Variants in CNTNAP5 observed in about 807,000 individuals in gnomAD.
The protein encoded by CNTNAP5 is contactin-associated protein-like 5.
CNTNAP5 carries 72 observed loss-of-function variants against 150.2 expected under a neutral mutation model. The ratio of observed to expected loss-of-function variants is 0.48; its 90% confidence interval spans 0.40 to 0.58. CNTNAP5 has a LOEUF of 0.58. Ranked by LOEUF, CNTNAP5 falls within the 20% of genes least tolerant of loss-of-function variation. The pLI is 0.00. For synonymous variants in CNTNAP5, 672 were observed against 619.8 expected (o/e 1.08, Z -1.25); for missense variants, 1,636 against 1,626.2 (o/e 1.01, Z -0.10).
At chr2:124,884,866 G>C (rs1188228447) in intron 21 of CNTNAP5, among the ~76,000 whole-genome samples, 2 of 151,938 alleles carry the variant, frequency 1.3e-5, no homozygotes, top group South Asian at 2.1e-4. Flanking sequence ...TTATTTGGGG[G>C]ATATAAAGGG....
chr2:124,745,052 G>C (rs1680576477), intron 13 of CNTNAP5, among the ~76,000 whole-genome samples: 1 of 152,156 alleles, frequency 6.6e-6, no homozygotes, highest in South Asian at 2.1e-4. Flanking sequence ...GAGGCACTAA[G>C]AGGCCAAAGC....
chr2:124,659,510 C>A (rs1345554020), intron 13 of CNTNAP5, among the ~76,000 whole-genome samples: 1 of 152,246 alleles, frequency 6.6e-6, no homozygotes, highest in African/African-American at 2.4e-5. Context: ...GAAAGGTAAT[C>A]TGAATCTGCA....
intron 3 of CNTNAP5, among the ~76,000 whole-genome samples, chr2:124,298,731 T>C (rs1172775572): frequency 6.6e-6 from 1 of 152,118 alleles, no homozygotes; most frequent in East Asian, 1.9e-4. Context: ...CCTAAGTGGG[T>C]CCTGTTAAGA....
intron 1 of CNTNAP5, among the ~76,000 whole-genome samples, chr2:124,217,790 C>A (rs947076345): frequency 6.6e-6 from 1 of 152,104 alleles, no homozygotes; most frequent in East Asian, 1.9e-4. Flanking sequence ...ATTCTCATTA[C>A]GGGCTTTATA....
At chr2:124,498,198 C>T (rs1432967343) in intron 7 of CNTNAP5, among the ~76,000 whole-genome samples, 2 of 152,142 alleles carry the variant, frequency 1.3e-5, no homozygotes, top group Non-Finnish European at 2.9e-5. Flanking sequence ...TGCTTAGAAA[C>T]TTCATTCTCT....
chr2:124,098,783 A>C (rs1682998138), intron 1 of CNTNAP5, among the ~76,000 whole-genome samples: 1 of 152,142 alleles, frequency 6.6e-6, no homozygotes, highest in Non-Finnish European at 1.5e-5. Context: ...AATGGCGTAG[A>C]GCTTCAGTCT....
chr2:124,524,462 C>T lies in CNTNAP5; in HGVS notation c.1477+10C>T. The T allele has an allele frequency of 1.2e-6, 2 of 1,603,268 alleles. No individual in the cohort carries two copies. Among genetic ancestry groups the T allele is most frequent in the Middle Eastern group, 1.7e-4 (1 of 5,940 alleles). On this transcript the variant is annotated intron_variant, in intron 9 of 23. Coordinates refer to ENST00000682447, the MANE Select transcript of CNTNAP5 (RefSeq NM_001367498.1). ...AGCTACTATTTTGGAGGTAAATTCT[C>T]CAGTCTTTAAGAGGGAAAATTAAGA...
intron 2 of CNTNAP5, among the ~76,000 whole-genome samples, chr2:124,236,208 C>T (rs1686743126): frequency 1.3e-5 from 2 of 152,106 alleles, no homozygotes; most frequent in Non-Finnish European, 2.9e-5. Flanking sequence ...TCAGATGATC[C>T]GCCCGCCTTG....
At chr2:124,187,587 G>A (rs1685363576) in intron 1 of CNTNAP5, among the ~76,000 whole-genome samples, 1 of 152,152 alleles carries the variant, frequency 6.6e-6, no homozygotes, top group Non-Finnish European at 1.5e-5. Flanking sequence ...GACTTACATG[G>A]TGAGCTGTCA....
chr2:124,229,001 G>C (rs1686542769), intron 2 of CNTNAP5, among the ~76,000 whole-genome samples: 1 of 152,050 alleles, frequency 6.6e-6, no homozygotes, highest in African/African-American at 2.4e-5. Context: ...TGAGTCCCTT[G>C]ATGATTATAT....
chr2:124,053,445 T>C lies in CNTNAP5; in HGVS notation c.82+27713T>C, dbSNP rs377755080. Among the ~76,000 whole-genome samples the C allele has an allele frequency of 1.2e-4, 18 of 152,292 alleles. No individual in the cohort carries two copies. In the South Asian group the frequency reaches 3.7e-3, roughly 32 times the overall value. On this transcript the variant is annotated intron_variant, in intron 1 of 23. Coordinates refer to ENST00000682447, the MANE Select transcript of CNTNAP5 (RefSeq NM_001367498.1). ...TCAACCACGAGGACAAAGGTTTCTGTCTTGAGACAGGTAAAGAACATGAGA... is the reference window on the plus strand; with the variant it reads ...TCAACCACGAGGACAAAGGTTTCTGCCTTGAGACAGGTAAAGAACATGAGA...
intron 14 of CNTNAP5, among the ~76,000 whole-genome samples, chr2:124,755,418 G>A (rs917110314): frequency 6.6e-6 from 1 of 152,128 alleles, no homozygotes; most frequent in African/African-American, 2.4e-5. Context: ...TTACCACAGG[G>A]ATATTCAGAA....
intron 12 of CNTNAP5, among the ~76,000 whole-genome samples, chr2:124,628,681 A>G (rs1171903533): frequency 6.6e-6 from 1 of 152,224 alleles, no homozygotes; most frequent in Non-Finnish European, 1.5e-5. Flanking sequence ...TTAACCAGTT[A>G]GCATCATGAC....
chr2:124,699,808 C>CTCTT (rs199864543), intron 13 of CNTNAP5, among the ~76,000 whole-genome samples: 4 of 151,668 alleles, frequency 2.6e-5, no homozygotes, highest in Non-Finnish European at 5.9e-5. Context: ...TTCTTTCTTT[C>CTCTT]TCTTTCTTTC....
chr2:124,395,435 C>A (rs926638596), intron 3 of CNTNAP5, among the ~76,000 whole-genome samples: 9 of 152,024 alleles, frequency 5.9e-5, no homozygotes, highest in Admixed American at 3.9e-4. Flanking sequence ...TAGGATGTGA[C>A]AAAAGACTGA....
At chr2:124,373,797 A>C (rs1306093138) in intron 3 of CNTNAP5, among the ~76,000 whole-genome samples, 1 of 152,082 alleles carries the variant, frequency 6.6e-6, no homozygotes. Context: ...AGTGTTACTT[A>C]AAAGGATACA....
intron 1 of CNTNAP5, among the ~76,000 whole-genome samples, chr2:124,192,761 C>G (rs1685489601): frequency 6.6e-6 from 1 of 152,112 alleles, no homozygotes; most frequent in Admixed American, 6.5e-5. Context: ...CCATGACCAC[C>G]CTATTGAATA....
At chr2:124,562,728 A>G (rs1423463478) in intron 10 of CNTNAP5, among the ~76,000 whole-genome samples, 1 of 152,188 alleles carries the variant, frequency 6.6e-6, no homozygotes, top group Non-Finnish European at 1.5e-5. Flanking sequence ...AACAAATATC[A>G]TCTTTTCTAA....
At chr2:124,362,621 G>A (rs1222803359) in intron 3 of CNTNAP5, among the ~76,000 whole-genome samples, 2 of 152,112 alleles carry the variant, frequency 1.3e-5, no homozygotes, top group Non-Finnish European at 2.9e-5. Flanking sequence ...TGTTATTTAT[G>A]GGGCTGTGAA....
Sources: allele counts gnomAD v4.1 joint callset (sites outside exome capture counted in the v4.1 genomes callset), GRCh38; gene constraint gnomAD v4.1.1; transcripts MANE v1.5; gene names NCBI Gene and HGNC (gene_info 2026-07-23, HGNC 2026-07-21).